Variants in GNG12 observed in about 807,000 individuals in gnomAD.
The protein encoded by GNG12 is G protein subunit gamma 12, also known as guanine nucleotide-binding protein G(I)/G(S)/G(O) subunit gamma-12.
For missense variants in GNG12, 69 were observed against 83.8 expected, an observed-to-expected ratio of 0.82 and a Z score of 0.69; for synonymous variants, 28 against 29.7, an observed-to-expected ratio of 0.94 and a Z score of 0.19.
intron 2 of GNG12, among the ~76,000 whole-genome samples, chr1:67,751,505 A>G (rs1337382286): frequency 1.3e-5 from 2 of 152,154 alleles, no homozygotes. Flanking sequence ...CAGAGCCTCA[A>G]GAGTGGCAGC....
chr1:67,723,411 T>C (rs2100690704), intron 2 of GNG12, among the ~76,000 whole-genome samples: 1 of 152,314 alleles, frequency 6.6e-6, no homozygotes, highest in South Asian at 2.1e-4. Context: ...GCTGTATAAA[T>C]ACGTTTAGTT....
intron 3 of GNG12, among the ~76,000 whole-genome samples, chr1:67,706,332 A>G (rs1646247241): frequency 6.6e-6 from 1 of 152,226 alleles, no homozygotes; most frequent in Non-Finnish European, 1.5e-5. Flanking sequence ...TCGGAGCCAA[A>G]ACTCTGGAGC....
intron 2 of GNG12, among the ~76,000 whole-genome samples, chr1:67,710,206 T>TTATATATATAGTTA (rs1252839236): frequency 0.011 from 334 of 30,680 alleles, 77 homozygotes; most frequent in South Asian, 0.031. Context: ...ATATATATAG[T>TTATATATATAGTTA]TATATATATA....
intron 2 of GNG12, among the ~76,000 whole-genome samples, chr1:67,734,020 C>T (rs928513914): frequency 5.3e-5 from 8 of 152,164 alleles, no homozygotes; most frequent in African/African-American, 1.7e-4. Flanking sequence ...GCACAGGCAG[C>T]TGCCTTGCTC....
intron 1 of GNG12, among the ~76,000 whole-genome samples, chr1:67,830,751 G>C (rs1280068209): frequency 1.3e-5 from 2 of 152,076 alleles, no homozygotes; most frequent in Non-Finnish European, 2.9e-5. Context: ...TGCTGTGGTA[G>C]AAACATCACA....
chr1:67,709,851 TTTATATATATATAG>T (rs1347504651), intron 2 of GNG12, among the ~76,000 whole-genome samples: 1 of 126,734 alleles, frequency 7.9e-6, no homozygotes, highest in African/African-American at 3.0e-5. Flanking sequence ...TGTATATATA[TTTATATATATATAG>T]TTATATATAT....
At chr1:67,819,305 C>T (rs544599513) in intron 1 of GNG12, among the ~76,000 whole-genome samples, 12 of 151,994 alleles carry the variant, frequency 7.9e-5, no homozygotes, top group Non-Finnish European at 1.5e-4. Context: ...TTTAAGGGGA[C>T]GATGATGAGA....
intron 2 of GNG12, among the ~76,000 whole-genome samples, chr1:67,717,725 C>A (rs1271273136): frequency 6.6e-6 from 1 of 152,194 alleles, no homozygotes; most frequent in Non-Finnish European, 1.5e-5. Flanking sequence ...TCCTCCCTGG[C>A]ATCAGTGATG....
intron 2 of GNG12, among the ~76,000 whole-genome samples, chr1:67,739,301 G>GT (rs1646469715): frequency 6.6e-6 from 1 of 152,208 alleles, no homozygotes; most frequent in South Asian, 2.1e-4. Flanking sequence ...CTCTAAAATG[G>GT]TAATACCATT....
At chr1:67,722,821 T>C (rs1646363619) in intron 2 of GNG12, among the ~76,000 whole-genome samples, 1 of 152,190 alleles carries the variant, frequency 6.6e-6, no homozygotes, top group Admixed American at 6.5e-5. Flanking sequence ...ACTATTTCCA[T>C]ACAAGGTTCA....
intron 2 of GNG12, among the ~76,000 whole-genome samples, chr1:67,756,433 A>G (rs966417547): frequency 6.6e-6 from 1 of 152,216 alleles, no homozygotes; most frequent in African/African-American, 2.4e-5. Flanking sequence ...CTCAGGCTGG[A>G]AACAGGTTAA....
At chr1:67,752,864 T>G (rs74584588) in intron 2 of GNG12, among the ~76,000 whole-genome samples, 216 of 152,304 alleles carry the variant, frequency 1.4e-3, no homozygotes, top group African/African-American at 5.0e-3. Context: ...TGTTAGACAC[T>G]AAGTGCCAAT....
intron 2 of GNG12, among the ~76,000 whole-genome samples, chr1:67,720,926 T>C (rs905514267): frequency 2.0e-5 from 3 of 152,212 alleles, no homozygotes; most frequent in African/African-American, 7.2e-5. Flanking sequence ...TTGTCTTTAT[T>C]TTGATTAATA....
At chr1:67,815,638 G>GT (rs1646949388) in intron 1 of GNG12, among the ~76,000 whole-genome samples, 2 of 152,128 alleles carry the variant, frequency 1.3e-5, no homozygotes, top group South Asian at 2.1e-4. Context: ...CCAATAATTT[G>GT]TAAGTAGGAA....
At position 67,703,519 on chromosome 1, in the gene GNG12, T is replaced by C. The variant is rs1056003676; in HGVS notation, c.*1932A>G. 6.6e-6 allele frequency: 1 copy of C among 152,234 alleles called. No homozygotes were observed. Among genetic ancestry groups the C allele is most frequent in the Non-Finnish European group, 1.5e-5 (1 of 68,046 alleles). The allele number at this position is 152,234 out of a possible 1,614,324, so 9.4% of individuals were successfully genotyped here. The stretch of plus-strand genomic sequence containing the variant: ...AAATAGACTTATAAAAAAAAGAATG[T>C]CTCATTAAGTGAAGCATTAAATGTA... On this transcript the variant is annotated 3_prime_UTR_variant, in exon 4 of 4. Transcript: ENST00000370982.
At chr1:67,786,935 ATGTGTGTGTGTGTGTGTGTGTGTG>A (rs60096043) in intron 1 of GNG12, among the ~76,000 whole-genome samples, 98 of 133,474 alleles carry the variant, frequency 7.3e-4, no homozygotes, top group African/African-American at 2.9e-3. Flanking sequence ...TTATATATAT[ATGTGTGTGTGTGTGTGTGTGTGTG>A]TGTGTGTGTG....
intron 2 of GNG12, among the ~76,000 whole-genome samples, chr1:67,773,504 G>T (rs1294255124): frequency 6.6e-6 from 1 of 152,180 alleles, no homozygotes; most frequent in African/African-American, 2.4e-5. Context: ...TTGGAGTCAA[G>T]TCTCATGAGC....
At chr1:67,719,740 T>C (rs746163156) in intron 2 of GNG12, among the ~76,000 whole-genome samples, 12 of 152,202 alleles carry the variant, frequency 7.9e-5, no homozygotes, top group Non-Finnish European at 1.5e-5. Context: ...CCTACTGAGA[T>C]CAAAAGCTCA....
chr1:67,805,542 T>C (rs531346326), intron 1 of GNG12, among the ~76,000 whole-genome samples: 1 of 152,282 alleles, frequency 6.6e-6, no homozygotes, highest in African/African-American at 2.4e-5. Flanking sequence ...AGTTCATTAG[T>C]AGACTGAACA....
Sources: gnomAD v4.1 joint callset for allele counts (sites outside exome capture counted in the v4.1 genomes callset) on GRCh38, gnomAD v4.1.1 for gene constraint, MANE v1.5 for transcripts, NCBI Gene and HGNC (gene_info 2026-07-23, HGNC 2026-07-21) for gene names.